The following C10orf90 variants were observed in gnomAD, a reference collection of about 807,000 sequenced individuals.
C10orf90 encodes the protein chromosome 10 open reading frame 90, also known as (E2-independent) E3 ubiquitin-conjugating enzyme FATS.
A neutral mutation model predicts 62.5 loss-of-function variants in C10orf90; 56 were observed. That is an observed-to-expected ratio of 0.90 (90% CI 0.72 to 1.12). The LOEUF is 1.12. C10orf90 is among the 50% of genes most tolerant of loss of function. The pLI is 0.00. For missense variants in C10orf90, 970 were observed against 880.4 expected (o/e 1.10, Z -1.29); for synonymous variants, 386 against 340.4 (o/e 1.13, Z -1.47).
chr10:126,498,450 G>T (rs1449395345), intron 4 of C10orf90, among the ~76,000 whole-genome samples: 1 of 152,182 alleles, frequency 6.6e-6, no homozygotes, highest in East Asian at 1.9e-4. Context: ...TCATACGGGT[G>T]CTAAGGTCTA....
rs80252262 is a variant in C10orf90, at chr10:126,601,091, C to T, written c.313+45474G>A. Reference sequence around the variant, plus strand: ...GACATCATGCTAAGTGAAATAAAGCCCACACAGAAAGAAAAATACTGCTTA... The same window carrying T: ...GACATCATGCTAAGTGAAATAAAGCTCACACAGAAAGAAAAATACTGCTTA... On this transcript the variant is annotated intron_variant, in intron 2 of 9. Transcript: ENST00000488181. 8.1e-3 allele frequency among the ~76,000 whole-genome samples: 1,233 copies of T among 152,216 alleles called. 22 individuals are homozygous for T. Among genetic ancestry groups the T allele is most frequent in the Middle Eastern group, 0.031 (9 of 294 alleles).
Position 126,522,472 on chromosome 10 carries a change from G to T in C10orf90, c.314-8533C>A, listed in dbSNP as rs573277652. 3.7e-3 allele frequency among the ~76,000 whole-genome samples: 557 copies of T among 152,284 alleles called. 5 individuals carry two copies. The highest frequency in any genetic ancestry group is 6.2e-3 in the Non-Finnish European group (423 of 68,022). ...TCAGTCATTACATAAATGCATAGTG[G>T]CTTTGTAAGCAGTTTCACAAACACA... is the stretch of plus-strand genomic sequence containing the variant. On this transcript the variant is annotated intron_variant, in intron 2 of 9. Transcript: ENST00000488181.
Position 126,471,135 on chromosome 10 carries a change from G to A in C10orf90, c.1535-6149C>T, listed in dbSNP as rs149636334. ...AGAGAGGATGGAAGCAGTGAGCTGC[G>A]TTACCCACAAAGATGATCCACAGCA... On this transcript the variant is annotated intron_variant, in intron 4 of 9. Transcript: ENST00000488181. Among the ~76,000 whole-genome samples, 5 of 152,288 alleles carry A rather than the reference G, an allele frequency of 3.3e-5. No individual in the cohort carries two copies. The East Asian group carries it at 7.7e-4, about 24-fold the overall frequency.
intron 7 of C10orf90, among the ~76,000 whole-genome samples, chr10:126,439,229 T>G (rs1439144551): frequency 6.6e-6 from 1 of 152,154 alleles, no homozygotes; most frequent in Non-Finnish European, 1.5e-5. Flanking sequence ...CAACCTCAGC[T>G]GACAGCTATG....
At chr10:126,480,072 C>T (rs1861091585) in intron 4 of C10orf90, among the ~76,000 whole-genome samples, 1 of 151,988 alleles carries the variant, frequency 6.6e-6, no homozygotes, top group Admixed American at 6.6e-5. Context: ...GATCTGTATT[C>T]CAGAAAATTT....
At chr10:126,621,982 G>A (rs527916613) in intron 2 of C10orf90, among the ~76,000 whole-genome samples, 5 of 151,102 alleles carry the variant, frequency 3.3e-5, no homozygotes, top group East Asian at 2.0e-4. Context: ...GGCTTACCCC[G>A]TACCTTCAGA....
chr10:126,467,790 A>C (rs192583485), intron 4 of C10orf90, among the ~76,000 whole-genome samples: 1 of 152,214 alleles, frequency 6.6e-6, no homozygotes, highest in African/African-American at 2.4e-5. Flanking sequence ...TCTGCCCAAC[A>C]GTTGTAAATT....
intron 4 of C10orf90, among the ~76,000 whole-genome samples, chr10:126,473,074 A>G (rs766852405): frequency 5.3e-5 from 8 of 152,194 alleles, no homozygotes; most frequent in Admixed American, 2.0e-4. Context: ...GGGATGCAAC[A>G]GTGAAAAAAC....
chr10:126,508,860 G>C (rs1276121532), intron 3 of C10orf90, among the ~76,000 whole-genome samples: 1 of 152,198 alleles, frequency 6.6e-6, no homozygotes, highest in Non-Finnish European at 1.5e-5. Context: ...TGACACCCAT[G>C]AGATTGGCAT....
intron 2 of C10orf90, among the ~76,000 whole-genome samples, chr10:126,645,768 T>C (rs915529831): frequency 2.2e-4 from 33 of 152,276 alleles, no homozygotes; most frequent in African/African-American, 7.9e-4. Flanking sequence ...AAGATATAAA[T>C]GTGTCTATGT....
chr10:126,447,372 G>A (rs1251446189), intron 7 of C10orf90, among the ~76,000 whole-genome samples: 1 of 152,074 alleles, frequency 6.6e-6, no homozygotes, highest in Non-Finnish European at 1.5e-5. Flanking sequence ...AACCTAAAGA[G>A]AGCAGAGGTA....
rs1032333455 is a variant in C10orf90, at chr10:126,425,359, G to A, written c.*505C>T. ...CCACCGGTTTCCAAGTCAGCCTCTA[G>A]CATTGGGTGGTGTACATGTTCAGAA... On this transcript the variant is annotated 3_prime_UTR_variant, in exon 10 of 10. Transcript: ENST00000488181. 1.9e-5 allele frequency: 3 copies of A among 154,772 alleles called. No homozygotes were observed. The highest frequency in any genetic ancestry group is 7.2e-5 in the African/African-American group (3 of 41,474). 9.6% of individuals were successfully genotyped at this position (154,772 alleles called of 1,614,324 possible). A position where few individuals can be genotyped will look rare whatever the true frequency, so the allele number is the denominator to read the frequency against.
At chr10:126,438,373 T>C (rs1331283688) in intron 7 of C10orf90, among the ~76,000 whole-genome samples, 1 of 152,204 alleles carries the variant, frequency 6.6e-6, no homozygotes, top group Non-Finnish European at 1.5e-5. Flanking sequence ...TAAAGTAATG[T>C]TTCCAAAGCA....
intron 7 of C10orf90, among the ~76,000 whole-genome samples, chr10:126,433,596 A>G (rs1241198384): frequency 1.3e-5 from 2 of 152,030 alleles, no homozygotes; most frequent in African/African-American, 4.8e-5. Flanking sequence ...TCTCATGACT[A>G]CCTGCACGCC....
In C10orf90 at chr10:126,453,244, T is replaced by C. The variant is rs1859319802; in HGVS notation, c.2188+5796A>G. On this transcript the variant is annotated intron_variant, in intron 7 of 9. Transcript: ENST00000488181. The surrounding 1 kb of genome is among the most constrained non-coding windows in gnomAD (Gnocchi z 4.9). The stretch of plus-strand genomic sequence containing the variant: ...TGCAATTTGGATGAATTCAGTCTGC[T>C]GTGCTAGATGCAGCAGGGCCTCTCG... 1.3e-5 allele frequency among the ~76,000 whole-genome samples: 2 copies of C among 152,314 alleles called. No individual in the cohort carries two copies. Among genetic ancestry groups the C allele is most frequent in the Admixed American group, 1.3e-4 (2 of 15,290 alleles).
chr10:126,612,805 T>C (rs904404529), intron 2 of C10orf90, among the ~76,000 whole-genome samples: 3 of 152,170 alleles, frequency 2.0e-5, no homozygotes, highest in Non-Finnish European at 4.4e-5. Context: ...ATTGCCAACA[T>C]TTACGTGTTT....
At position 126,465,084 on chromosome 10, in the gene C10orf90, G is replaced by C. The variant is rs116419137; in HGVS notation, c.1535-98C>G. The C allele has an allele frequency of 3.2e-4, 423 of 1,312,820 alleles. No individual in the cohort carries two copies. In the East Asian group the frequency reaches 5.9e-3, roughly 18 times the overall value. The allele number at this position is 1,312,820 out of a possible 1,614,324, so 81.3% of individuals were successfully genotyped here. On this transcript the variant is annotated intron_variant, in intron 4 of 9. Transcript: ENST00000488181. The stretch of plus-strand genomic sequence containing the variant: ...TGGTGCTTTTCTCGGGACAGACTTG[G>C]GGGGGAGTACAGCACTGCAAGTTCA...
At chr10:126,466,514 T>C (rs1352152069) in intron 4 of C10orf90, among the ~76,000 whole-genome samples, 1 of 152,188 alleles carries the variant, frequency 6.6e-6, no homozygotes. Context: ...CCCTCTGTCC[T>C]GGAGTGCCCC....
chr10:126,549,135 TC>T (rs1275910833), intron 2 of C10orf90, among the ~76,000 whole-genome samples: 1 of 152,150 alleles, frequency 6.6e-6, no homozygotes, highest in African/African-American at 2.4e-5. Context: ...AAAAGAATGA[TC>T]CACAAAAGGA....
Sources: gnomAD v4.1 joint callset for allele counts (sites outside exome capture counted in the v4.1 genomes callset) on GRCh38, gnomAD v4.1.1 for gene constraint, Gnocchi (gnomAD v3.1) non-coding constraint, MANE v1.5 for transcripts, NCBI Gene and HGNC (gene_info 2026-07-23, HGNC 2026-07-21) for gene names.